The following PIK3C2G variants were observed in gnomAD, a reference collection of about 807,000 sequenced individuals.
PIK3C2G encodes the protein phosphatidylinositol-4-phosphate 3-kinase catalytic subunit type 2 gamma.
A neutral mutation model predicts 181.1 loss-of-function variants in PIK3C2G; 168 were observed. That is an observed-to-expected ratio of 0.93 (90% CI 0.82 to 1.05). The LOEUF is 1.05. Ranked by LOEUF, PIK3C2G falls within the 50% of genes least tolerant of loss-of-function variation. PIK3C2G has a pLI of 0.00. For missense variants in PIK3C2G, 1,869 were observed against 1,732.8 expected (o/e 1.08, Z -1.40); for synonymous variants, 573 against 592.2 (o/e 0.97, Z 0.47).
chr12:18,613,881 A>G (rs962425451), intron 31 of PIK3C2G, among the ~76,000 whole-genome samples: 2 of 152,106 alleles, frequency 1.3e-5, no homozygotes, highest in South Asian at 2.1e-4. Flanking sequence ...TTGATGTAGA[A>G]CAAAGACAAC....
the PIK3C2G span, among the ~76,000 whole-genome samples, chr12:18,709,988 T>C: frequency 6.6e-6 from 1 of 151,946 alleles, no homozygotes; most frequent in African/African-American, 2.4e-5. Context: ...ACTACTGATT[T>C]AAATATGTCG....
intron 20 of PIK3C2G, among the ~76,000 whole-genome samples, chr12:18,491,999 A>T (rs1018704704): frequency 5.3e-5 from 8 of 152,186 alleles, no homozygotes; most frequent in Non-Finnish European, 7.3e-5. Context: ...AAATTTATTG[A>T]TTCTAATATG....
chr12:18,723,198 G>C, the PIK3C2G span: 9 of 918,312 alleles, frequency 9.8e-6, no homozygotes, highest in African/African-American at 1.3e-4. Context: ...ATCCAAAAAC[G>C]GTAATTTGAT....
chr12:18,676,311 C>T, the PIK3C2G span, among the ~76,000 whole-genome samples: 36 of 152,174 alleles, frequency 2.4e-4, no homozygotes, highest in Admixed American at 8.5e-4. Flanking sequence ...TTTGCTTAAA[C>T]CACCAAGCCA....
intron 11 of PIK3C2G, among the ~76,000 whole-genome samples, chr12:18,357,756 T>C (rs1403272630): frequency 6.6e-6 from 1 of 152,246 alleles, no homozygotes; most frequent in Non-Finnish European, 1.5e-5. Context: ...CTTTTTCATC[T>C]GGCATGGCTA....
chr12:18,539,209 T>C (rs1292449773), intron 25 of PIK3C2G, among the ~76,000 whole-genome samples: 1 of 151,892 alleles, frequency 6.6e-6, no homozygotes, highest in Non-Finnish European at 1.5e-5. Flanking sequence ...CTTCAGGACA[T>C]GTTAACCCCC....
intron 5 of PIK3C2G, among the ~76,000 whole-genome samples, chr12:18,305,618 T>C (rs994461807): frequency 4.6e-5 from 6 of 130,340 alleles, no homozygotes; most frequent in African/African-American, 1.3e-4. Flanking sequence ...TTTTCTTAAA[T>C]AAAGTGATTA....
upstream of PIK3C2G, among the ~76,000 whole-genome samples, chr12:18,244,936 T>C (rs1196510796): frequency 2.0e-5 from 3 of 152,116 alleles, no homozygotes; most frequent in African/African-American, 4.8e-5. Flanking sequence ...TATTTTCAGC[T>C]TTATAATTCT....
At chr12:18,627,065 A>ATTTTTT (rs1195991975) in intron 31 of PIK3C2G, among the ~76,000 whole-genome samples, 1 of 140,078 alleles carries the variant, frequency 7.1e-6, no homozygotes, top group Non-Finnish European at 1.6e-5. Context: ...TCCTTCTTCC[A>ATTTTTT]TTTTTTTTTT....
chr12:18,286,092 C>CG (rs1488006741), intron 2 of PIK3C2G, among the ~76,000 whole-genome samples: 3 of 151,806 alleles, frequency 2.0e-5, no homozygotes, highest in Non-Finnish European at 1.5e-5. Flanking sequence ...GGGATCATTT[C>CG]GTAATGCTAA....
chr12:18,715,665 T>A, the PIK3C2G span: 1 of 152,198 alleles, frequency 6.6e-6, no homozygotes, highest in African/African-American at 2.4e-5. Flanking sequence ...TTGTTTTTGT[T>A]TTTTTGTTGT....
At chr12:18,310,349 G>A (rs369277858) in intron 5 of PIK3C2G, among the ~76,000 whole-genome samples, 3 of 151,780 alleles carry the variant, frequency 2.0e-5, no homozygotes, top group African/African-American at 4.8e-5. Flanking sequence ...CTAGTGAGAG[G>A]CTACGTAGTT....
the PIK3C2G span, among the ~76,000 whole-genome samples, chr12:18,691,049 G>T: frequency 6.6e-6 from 1 of 152,142 alleles, no homozygotes; most frequent in Admixed American, 6.6e-5. Flanking sequence ...GGAAGCCAAA[G>T]AAATAGACCT....
At chr12:18,387,359 G>C (rs1407431106) in intron 14 of PIK3C2G, among the ~76,000 whole-genome samples, 1 of 152,050 alleles carries the variant, frequency 6.6e-6, no homozygotes, top group Non-Finnish European at 1.5e-5. Flanking sequence ...AGAGGATTAA[G>C]GCCAACCTCT....
At position 18,594,485 on chromosome 12, in the gene PIK3C2G, G is replaced by T; in HGVS notation, c.4012-9G>T. The stretch of plus-strand genomic sequence containing the variant: ...ATAAAGAAATATTATGTTTCATTTT[G>T]TTTTTCAGAGTGATTGTGTACTTAG... On this transcript the variant is annotated splice_polypyrimidine_tract_variant and intron_variant, in intron 29 of 32. Transcript: ENST00000538779. 6.6e-7 allele frequency: 1 copy of T among 1,512,120 alleles called. No individual in the cohort carries two copies. Among genetic ancestry groups the T allele is most frequent in the Admixed American group, 2.3e-5 (1 of 43,176 alleles). The allele number at this position is 1,512,120 out of a possible 1,614,324, so 93.7% of individuals were successfully genotyped here. A position where few individuals can be genotyped will look rare whatever the true frequency, so the allele number is the denominator to read the frequency against.
At position 18,305,792 on chromosome 12, in the gene PIK3C2G, T is replaced by C. The variant is rs1370481383; in HGVS notation, c.1035-8170T>C. On this transcript the variant is annotated intron_variant, in intron 5 of 32. Coordinates refer to ENST00000538779, the MANE Select transcript of PIK3C2G (RefSeq NM_001288772.2). The stretch of plus-strand genomic sequence containing the variant: ...ACAATAATAAAACCTTAGGATAGAA[T>C]GAAGTCTGCATATTTGATCTCCTGG... 3.3e-5 allele frequency among the ~76,000 whole-genome samples: 5 copies of C among 152,198 alleles called. No individual in the cohort carries two copies. The South Asian group carries it at 1.0e-3, about 32-fold the overall frequency.
At chr12:18,524,099 T>G (rs556841645) in intron 24 of PIK3C2G, among the ~76,000 whole-genome samples, 1 of 152,234 alleles carries the variant, frequency 6.6e-6, no homozygotes. Flanking sequence ...GCCCAGGTGG[T>G]TTAACCTTGT....
intron 14 of PIK3C2G, among the ~76,000 whole-genome samples, chr12:18,384,954 A>G (rs1943071006): frequency 6.6e-6 from 1 of 152,210 alleles, no homozygotes; most frequent in African/African-American, 2.4e-5. Flanking sequence ...CTTTAATAGT[A>G]TCAGTTTAAT....
chr12:18,661,150 A>ACG, the PIK3C2G span, among the ~76,000 whole-genome samples: 1 of 152,104 alleles, frequency 6.6e-6, no homozygotes, highest in East Asian at 1.9e-4. Context: ...ACAGAGCCTA[A>ACG]CCAACCTGTA....
Sources: gnomAD v4.1 joint callset for allele counts (sites outside exome capture counted in the v4.1 genomes callset) on GRCh38, gnomAD v4.1.1 for gene constraint, MANE v1.5 for transcripts, NCBI Gene and HGNC (gene_info 2026-07-23, HGNC 2026-07-21) for gene names.